ICA1L: variants seen among roughly 807,000 people sequenced by gnomAD.
The protein encoded by ICA1L is islet cell autoantigen 1-like protein.
A neutral mutation model predicts 61.3 loss-of-function variants in ICA1L; 50 were observed. The observed-to-expected ratio is 0.82, with a 90% CI of 0.65 to 1.03. The LOEUF is 1.03. Ranked by LOEUF, ICA1L falls within the 50% of genes least tolerant of loss-of-function variation. ICA1L has a pLI of 0.00. For synonymous variants in ICA1L, 161 were observed against 191.3 expected, an observed-to-expected ratio of 0.84 and a Z score of 1.31; for missense variants, 508 against 556.7, an observed-to-expected ratio of 0.91 and a Z score of 0.88.
intron 1 of ICA1L, among the ~76,000 whole-genome samples, chr2:202,850,383 A>AAC (rs1350974122): frequency 7.2e-5 from 11 of 152,172 alleles, no homozygotes; most frequent in Non-Finnish European, 1.5e-5. Flanking sequence ...GGAAGCTAAG[A>AAC]ACCTTGATAA....
Position 202,852,392 on chromosome 2 carries a change from C to T in ICA1L, c.-8+19227G>A, listed in dbSNP as rs561910702. 2.8e-4 allele frequency among the ~76,000 whole-genome samples: 43 copies of T among 152,086 alleles called. No homozygotes were observed. In the South Asian group the frequency reaches 5.0e-3, roughly 18 times the overall value. On this transcript the variant is annotated intron_variant, in intron 1 of 12. Coordinates refer to ENST00000358299, the MANE Select transcript of ICA1L (RefSeq NM_001288622.3). ...AGTGTAAAAGTGCTCCCATTTCAGC[C>T]GGGTGCGGTGGCTTACACCTGTAAT...
At position 202,860,754 on chromosome 2, in the gene ICA1L, A is replaced by G. The variant is rs76202567; in HGVS notation, c.-8+10865T>C. 1.3e-4 allele frequency among the ~76,000 whole-genome samples: 20 copies of G among 152,336 alleles called. No individual in the cohort carries two copies. In the East Asian group the frequency reaches 3.9e-3, roughly 29 times the overall value. The stretch of plus-strand genomic sequence containing the variant: ...GCAAGGGAGAAAGACTGTGTCTCAA[A>G]AAAAAAGAAAAGAAAGAAACATACT... On this transcript the variant is annotated intron_variant, in intron 1 of 12. Transcript: ENST00000358299.
In ICA1L at chr2:202,796,968, A is replaced by T; in HGVS notation, c.911-4T>A. The T allele has an allele frequency of 6.3e-7, 1 of 1,583,998 alleles. No individual in the cohort carries two copies. The highest frequency in any genetic ancestry group is 8.6e-7 in the Non-Finnish European group (1 of 1,165,574). On this transcript the variant is annotated splice_region_variant and splice_polypyrimidine_tract_variant and intron_variant, in intron 9 of 12. Transcript: ENST00000358299. ...TTTTCATTGTGATCTTTGTTTGCTA[A>T]ATCAAAAGCACATAAAAGAGAAGTT...
intron 2 of ICA1L, among the ~76,000 whole-genome samples, chr2:202,826,149 G>T (rs189000992): frequency 6.6e-6 from 1 of 152,046 alleles, no homozygotes; most frequent in African/African-American, 2.4e-5. Flanking sequence ...GTATTAACTC[G>T]AAGTCTGGCT....
chr2:202,856,149 T>C lies in ICA1L; in HGVS notation c.-8+15470A>G, dbSNP rs187330628. Among the ~76,000 whole-genome samples the C allele has an allele frequency of 4.7e-4, 71 of 149,592 alleles. 1 individual carries two copies. The East Asian group carries it at 0.014, about 29-fold the overall frequency. Reference sequence around the variant, plus strand: ...AACTCATTTTATGAGGCCAGCATAATCCTGATACCAAAACCTGGCACAACA... The same window carrying C: ...AACTCATTTTATGAGGCCAGCATAACCCTGATACCAAAACCTGGCACAACA... On this transcript the variant is annotated intron_variant, in intron 1 of 12. Coordinates refer to ENST00000358299, the MANE Select transcript of ICA1L (RefSeq NM_001288622.3).
intron 3 of ICA1L, among the ~76,000 whole-genome samples, chr2:202,823,583 C>T (rs62194668): frequency 0.39 from 59,364 of 151,998 alleles, 13,150 homozygotes; most frequent in Middle Eastern, 0.65. Flanking sequence ...CCCAAATTTC[C>T]TTTGTTCCTT....
rs1312745004 is a variant in ICA1L at position 202,777,515 on chromosome 2, CTT to C, written c.*2016_*2017del. On this transcript the variant is annotated 3_prime_UTR_variant, in exon 13 of 13. Coordinates refer to ENST00000358299, the MANE Select transcript of ICA1L (RefSeq NM_001288622.3). ...AAATTTCACTGAGTATAAAGGAAGA[CTT>C]AAGTCTTCTGAAGAGATAAGTAATG... 1 of 152,122 alleles carries C rather than the reference CTT, an allele frequency of 6.6e-6. No individual in the cohort carries two copies. The highest frequency in any genetic ancestry group is 2.4e-5 in the African/African-American group (1 of 41,408). 9.4% of individuals were successfully genotyped at this position (152,122 alleles called of 1,614,324 possible). A position where few individuals can be genotyped will look rare whatever the true frequency, so the allele number is the denominator to read the frequency against.
intron 1 of ICA1L, among the ~76,000 whole-genome samples, chr2:202,839,335 C>T (rs1694245794): frequency 6.6e-6 from 1 of 151,802 alleles, no homozygotes; most frequent in African/African-American, 2.4e-5. Flanking sequence ...CCCGTCTCTA[C>T]TAAAAATATA....
chr2:202,869,822 G>A (rs923533961), intron 1 of ICA1L, among the ~76,000 whole-genome samples: 3 of 151,860 alleles, frequency 2.0e-5, no homozygotes, highest in African/African-American at 7.3e-5. Context: ...TACATAGAAG[G>A]TGACTAAATT....
At chr2:202,780,237 C>T (rs141556699) in intron 12 of ICA1L, among the ~76,000 whole-genome samples, 118 of 152,228 alleles carry the variant, frequency 7.8e-4, no homozygotes, top group African/African-American at 2.7e-3. Context: ...AAAAAACTCC[C>T]CCTAATCCTA....
chr2:202,825,343 G>A lies in ICA1L; in HGVS notation c.235+352C>T, dbSNP rs151036118. The A allele has an allele frequency of 5.4e-3, 1,022 of 190,702 alleles. 3 individuals are homozygous for A. The highest frequency in any genetic ancestry group is 7.8e-3 in the Non-Finnish European group (733 of 94,406). 11.8% of individuals were successfully genotyped at this position (190,702 alleles called of 1,614,324 possible). ...AAATTATCCAGGTATGGTGGCACAC[G>A]CCTGTAATCCCAGCTACTTGGTAGG... On this transcript the variant is annotated intron_variant, in intron 3 of 12. Transcript: ENST00000358299.
Position 202,849,850 on chromosome 2 carries a change from T to C in ICA1L, c.-7-20834A>G, listed in dbSNP as rs998652046. Among the ~76,000 whole-genome samples, 4 of 152,160 alleles carry C rather than the reference T, an allele frequency of 2.6e-5. No individual in the cohort carries two copies. ...GTCCCAGACCCCCATGCCTCCTGAC[T>C]GGAAGACACCTCCCAGCAGGGGTCA... is the stretch of plus-strand genomic sequence containing the variant. On this transcript the variant is annotated intron_variant, in intron 1 of 12. Transcript: ENST00000358299. This position sits in a 1 kb window ranked among gnomAD's most constrained non-coding sequence, Gnocchi z 4.5.
intron 1 of ICA1L, among the ~76,000 whole-genome samples, chr2:202,855,849 GC>G (rs1183364757): frequency 6.6e-6 from 1 of 152,102 alleles, no homozygotes; most frequent in Non-Finnish European, 1.5e-5. Context: ...GCCAAGGCGG[GC>G]AGATCACAAG....
intron 9 of ICA1L, among the ~76,000 whole-genome samples, chr2:202,811,482 AC>A (rs1253767055): frequency 6.6e-6 from 1 of 151,596 alleles, no homozygotes; most frequent in Non-Finnish European, 1.5e-5. Flanking sequence ...CTACAGTGAA[AC>A]CCTGTCTCTA....
Position 202,781,161 on chromosome 2 carries a change from G to A in ICA1L, c.1334-1513C>T, listed in dbSNP as rs192791337. On this transcript the variant is annotated intron_variant, in intron 12 of 12. Coordinates refer to ENST00000358299, the MANE Select transcript of ICA1L (RefSeq NM_001288622.3). ...GGCTCTCCTTGTGTACACTATTACT[G>A]CCTCCAGAGATTCTTATAGGATAAC... Among the ~76,000 whole-genome samples the A allele has an allele frequency of 3.6e-3, 543 of 152,240 alleles. 2 individuals carry two copies. Among genetic ancestry groups the A allele is most frequent in the Non-Finnish European group, 6.7e-3 (453 of 68,012 alleles).
chr2:202,857,355 G>A (rs754242963), intron 1 of ICA1L, among the ~76,000 whole-genome samples: 3 of 152,030 alleles, frequency 2.0e-5, no homozygotes, highest in Non-Finnish European at 4.4e-5. Context: ...TGACAAACCT[G>A]ACAAAAACAA....
At chr2:202,802,297 C>A (rs2105835126) in intron 9 of ICA1L, among the ~76,000 whole-genome samples, 1 of 152,016 alleles carries the variant, frequency 6.6e-6, no homozygotes, top group African/African-American at 2.4e-5. Context: ...GAAAACATGA[C>A]AGAGAAGTTA....
At chr2:202,841,290 T>C in intron 1 of ICA1L, 1 of 744,860 alleles carries the variant, frequency 1.3e-6, no homozygotes, top group Non-Finnish European at 2.5e-6. Context: ...GTTGCCAAGC[T>C]CTGCCTCCAG....
intron 1 of ICA1L, among the ~76,000 whole-genome samples, chr2:202,862,341 G>A (rs141889181): frequency 9.9e-4 from 141 of 142,240 alleles, no homozygotes; most frequent in African/African-American, 3.5e-3. Flanking sequence ...TAGTGTAAGC[G>A]ACTTTGGAGG....
Sources: gnomAD v4.1 joint callset for allele counts (sites outside exome capture counted in the v4.1 genomes callset) on GRCh38, gnomAD v4.1.1 for gene constraint, Gnocchi (gnomAD v3.1) non-coding constraint, MANE v1.5 for transcripts, NCBI Gene and HGNC (gene_info 2026-07-23, HGNC 2026-07-21) for gene names.